Variants in FRMD6 observed in about 807,000 individuals in gnomAD.
FRMD6 encodes the protein FERM domain containing 6.
A neutral mutation model predicts 73.2 loss-of-function variants in FRMD6; 37 were observed. The observed-to-expected ratio is 0.51, with a 90% CI of 0.39 to 0.66. FRMD6 has a LOEUF of 0.66. Among genes scored for constraint, FRMD6 ranks in the 30% least tolerant of loss-of-function variants. FRMD6 has a pLI of 0.00. For missense variants in FRMD6, 714 were observed against 780.5 expected (o/e 0.91, Z 1.02); for synonymous variants, 273 against 282.2 (o/e 0.97, Z 0.33).
chr14:51,688,091 G>A (rs971820795), intron 1 of FRMD6, among the ~76,000 whole-genome samples: 3 of 151,640 alleles, frequency 2.0e-5, no homozygotes, highest in African/African-American at 7.3e-5. Context: ...TGATGCTTTG[G>A]AATTGTTGAA....
intron 2 of FRMD6, among the ~76,000 whole-genome samples, chr14:51,623,719 C>T (rs950027303): frequency 1.3e-5 from 2 of 152,188 alleles, no homozygotes; most frequent in Non-Finnish European, 2.9e-5. Flanking sequence ...TCACAGTACT[C>T]TACCATGTGT....
chr14:51,573,772 G>A (rs1888261571), intron 2 of FRMD6, among the ~76,000 whole-genome samples: 1 of 152,172 alleles, frequency 6.6e-6, no homozygotes. Flanking sequence ...AAGGTAGGAG[G>A]CAGATGACTA....
Position 51,704,952 on chromosome 14 carries a change from A to G in FRMD6, c.558+17A>G, listed in dbSNP as rs1896535505. The G allele has an allele frequency of 2.5e-6, 4 of 1,587,224 alleles. No homozygotes were observed. The East Asian group carries it at 9.0e-5, about 36-fold the overall frequency. ...CCATCTTGGGTAAGCACTGTTTTCA[A>G]ATTCGAAAGAGTGTTTTCTCTCGGG... On this transcript the variant is annotated intron_variant, in intron 6 of 13. Coordinates refer to ENST00000344768, the MANE Select transcript of FRMD6 (RefSeq NM_001267046.2).
the FRMD6 span, among the ~76,000 whole-genome samples, chr14:51,413,845 G>A: frequency 6.6e-6 from 1 of 152,056 alleles, no homozygotes; most frequent in Non-Finnish European, 1.5e-5. Flanking sequence ...TTTAATGATC[G>A]CCATTCTAAC....
intron 2 of FRMD6, among the ~76,000 whole-genome samples, chr14:51,611,478 G>A (rs1890496967): frequency 6.6e-6 from 1 of 152,154 alleles, no homozygotes. Context: ...TATTTAGTCT[G>A]GAGTGTAACC....
intron 1 of FRMD6, among the ~76,000 whole-genome samples, chr14:51,500,999 G>T (rs1032049953): frequency 1.3e-5 from 2 of 152,168 alleles, no homozygotes; most frequent in Admixed American, 6.5e-5. Flanking sequence ...TATCAGGGTG[G>T]ATTGGCATTA....
chr14:51,401,870 A>T, the FRMD6 span, among the ~76,000 whole-genome samples: 2 of 152,178 alleles, frequency 1.3e-5, no homozygotes, highest in African/African-American at 4.8e-5. Context: ...ATCATGGCAC[A>T]TGAGGATTGA....
Position 51,573,458 on chromosome 14 carries a change from A to C in FRMD6, c.-147+3048A>C, listed in dbSNP as rs114225333. ...GGACAGAGGAAATGTCTTAAGGTGA[A>C]ACAGATATTCCAGGAATACACTCCT... is the stretch of plus-strand genomic sequence containing the variant. On this transcript the variant is annotated intron_variant, in intron 2 of 14. Coordinates refer to the FRMD6 transcript ENST00000356218. Among the ~76,000 whole-genome samples, 361 of 152,302 alleles carry C rather than the reference A, an allele frequency of 2.4e-3. 1 individual carries two copies. Among genetic ancestry groups the C allele is most frequent in the African/African-American group, 8.0e-3 (332 of 41,570 alleles).
intron 1 of FRMD6, among the ~76,000 whole-genome samples, chr14:51,545,391 A>G (rs1036784972): frequency 6.6e-6 from 1 of 152,070 alleles, no homozygotes; most frequent in African/African-American, 2.4e-5. Context: ...AGAGTTAAGG[A>G]AGCTGCATGA....
At position 51,729,854 on chromosome 14, in the gene FRMD6, A is replaced by C. The variant is rs1377897741; in HGVS notation, c.*1825A>C. The C allele has an allele frequency of 6.6e-6, 1 of 152,668 alleles. No homozygotes were observed. Among genetic ancestry groups the C allele is most frequent in the African/African-American group, 2.4e-5 (1 of 41,468 alleles). The allele number at this position is 152,668 out of a possible 1,614,324, so 9.5% of individuals were successfully genotyped here. A position where few individuals can be genotyped will look rare whatever the true frequency, so the allele number is the denominator to read the frequency against. On this transcript the variant is annotated 3_prime_UTR_variant, in exon 14 of 14. Coordinates refer to ENST00000344768, the MANE Select transcript of FRMD6 (RefSeq NM_001267046.2). ...TTTAAAAGGAAAAAAAGTTCCATAG[A>C]GTTCTGTGGTCACAAAATTGTTTTG...
At chr14:51,586,917 A>T (rs556105025) in intron 2 of FRMD6, among the ~76,000 whole-genome samples, 32 of 152,074 alleles carry the variant, frequency 2.1e-4, no homozygotes, top group Non-Finnish European at 1.5e-4. Flanking sequence ...CTAATTTTTT[A>T]AAAAAAGTTT....
chr14:51,615,336 C>T (rs538823185), intron 2 of FRMD6, among the ~76,000 whole-genome samples: 11 of 152,228 alleles, frequency 7.2e-5, no homozygotes, highest in Admixed American at 2.0e-4. Flanking sequence ...TCATTATTGT[C>T]GGAGTTATGG....
intron 2 of FRMD6, among the ~76,000 whole-genome samples, chr14:51,611,965 A>G (rs1405564151): frequency 6.6e-6 from 1 of 152,214 alleles, no homozygotes; most frequent in Non-Finnish European, 1.5e-5. Context: ...GATCACAAAT[A>G]TGTCAAAGAA....
At chr14:51,409,745 C>T in the FRMD6 span, among the ~76,000 whole-genome samples, 1 of 152,124 alleles carries the variant, frequency 6.6e-6, no homozygotes, top group Non-Finnish European at 1.5e-5. Context: ...ACCACAGGCA[C>T]ACACCATCAT....
rs1892647040 is a variant in FRMD6, at chr14:51,654,217, T to G, written c.-147+2221T>G. On this transcript the variant is annotated intron_variant, in intron 1 of 13. Coordinates refer to ENST00000344768, the MANE Select transcript of FRMD6 (RefSeq NM_001267046.2). ...GCATGGGCCTGGATGAAGACGCTGC[T>G]TTTGAAAGCAAAATGCCAGTGTGCT... is the stretch of plus-strand genomic sequence containing the variant. Among the ~76,000 whole-genome samples the G allele has an allele frequency of 3.3e-5, 5 of 151,452 alleles. No individual in the cohort carries two copies. In the South Asian group the frequency reaches 1.0e-3, roughly 32 times the overall value.
intron 1 of FRMD6, among the ~76,000 whole-genome samples, chr14:51,521,867 A>C (rs556316701): frequency 6.6e-6 from 1 of 152,334 alleles, no homozygotes; most frequent in Non-Finnish European, 1.5e-5. Flanking sequence ...GATGAGCAGA[A>C]GTGATATTTA....
intron 1 of FRMD6, among the ~76,000 whole-genome samples, chr14:51,542,277 G>T (rs959619675): frequency 1.3e-5 from 2 of 151,952 alleles, no homozygotes; most frequent in Admixed American, 1.3e-4. Context: ...CCATTAAGCA[G>T]TCACTCCTCA....
At chr14:51,702,617 C>CT (rs200698278) in intron 5 of FRMD6, 29 bp downstream of exon 5, 74 of 1,554,898 alleles carry the variant, frequency 4.8e-5, no homozygotes, top group Middle Eastern at 1.7e-4. Flanking sequence ...ATTCTAAACG[C>CT]TTTTTTTTCC....
intron 7 of FRMD6, among the ~76,000 whole-genome samples, chr14:51,708,838 G>C (rs1369488715): frequency 6.6e-6 from 1 of 152,168 alleles, no homozygotes; most frequent in African/African-American, 2.4e-5. Context: ...CCAGGATTTA[G>C]TCAAGGCCTT....
Sources: gnomAD v4.1 joint callset for allele counts (sites outside exome capture counted in the v4.1 genomes callset) on GRCh38, gnomAD v4.1.1 for gene constraint, MANE v1.5 for transcripts, NCBI Gene and HGNC (gene_info 2026-07-23, HGNC 2026-07-21) for gene names.